Variants in DENND1A observed in about 807,000 individuals in gnomAD.
The protein encoded by DENND1A is DENN domain containing 1A, also known as DENN domain-containing protein 1A.
DENND1A carries 51 observed loss-of-function variants against 113.7 expected under a neutral mutation model. That is an observed-to-expected ratio of 0.45 (90% CI 0.36 to 0.57). The LOEUF (loss-of-function observed/expected upper bound fraction) is 0.57, where lower values mean the gene tolerates loss of function less well. DENND1A is among the 20% of genes least tolerant of loss of function. DENND1A has a pLI of 0.00. For missense variants in DENND1A, 1,258 were observed against 1,395.9 expected (o/e 0.90, Z 1.57); for synonymous variants, 565 against 570.8 (o/e 0.99, Z 0.14).
chr9:123,753,228 AG>A (rs2070215465), intron 5 of DENND1A, among the ~76,000 whole-genome samples: 1 of 152,204 alleles, frequency 6.6e-6, no homozygotes. Context: ...GCTATGTGCC[AG>A]AATATTCTTC....
At chr9:123,614,847 C>A (rs1357495401) in intron 10 of DENND1A, among the ~76,000 whole-genome samples, 1 of 152,216 alleles carries the variant, frequency 6.6e-6, no homozygotes, top group Non-Finnish European at 1.5e-5. Flanking sequence ...AAAGGGGATC[C>A]CACAGTCAGA....
intron 9 of DENND1A, among the ~76,000 whole-genome samples, chr9:123,641,074 C>A (rs1004329403): frequency 7.2e-5 from 11 of 152,192 alleles, no homozygotes; most frequent in Admixed American, 5.9e-4. Flanking sequence ...CATGGTCTAA[C>A]CTCATATCAC....
intron 2 of DENND1A, among the ~76,000 whole-genome samples, chr9:123,865,461 C>T (rs369670137): frequency 2.7e-5 from 4 of 150,642 alleles, no homozygotes; most frequent in African/African-American, 1.0e-4. Context: ...GGGCCTGGAA[C>T]TGCCTTAGGA....
intron 13 of DENND1A, among the ~76,000 whole-genome samples, chr9:123,495,138 TC>T (rs2051761705): frequency 1.3e-5 from 1 of 74,196 alleles, no homozygotes; most frequent in Non-Finnish European, 3.4e-5. Context: ...CATCATTGTC[TC>T]TTTCTCTCTC....
chr9:123,738,482 T>TG (rs1554726331), intron 5 of DENND1A, among the ~76,000 whole-genome samples: 4 of 147,574 alleles, frequency 2.7e-5, no homozygotes, highest in African/African-American at 1.0e-4. Context: ...TGTGTGTGTG[T>TG]AGTGATGTTT....
chr9:123,459,909 A>G (rs1035154400), intron 13 of DENND1A, among the ~76,000 whole-genome samples: 2 of 152,202 alleles, frequency 1.3e-5, no homozygotes, highest in Non-Finnish European at 2.9e-5. Context: ...TAGGGTAAGG[A>G]GAATATTTAT....
chr9:123,476,637 T>C (rs1227931163), intron 13 of DENND1A, among the ~76,000 whole-genome samples: 1 of 152,188 alleles, frequency 6.6e-6, no homozygotes, highest in African/African-American at 2.4e-5. Flanking sequence ...TTCTAACGCA[T>C]TTGGGAACGA....
chr9:123,858,423 C>A (rs1169782367), intron 2 of DENND1A, among the ~76,000 whole-genome samples: 14 of 152,012 alleles, frequency 9.2e-5, no homozygotes, highest in Admixed American at 9.2e-4. Flanking sequence ...TTAAAAAATA[C>A]TCAGATTTAA....
At chr9:123,708,886 G>A (rs968949436) in intron 5 of DENND1A, among the ~76,000 whole-genome samples, 2 of 152,318 alleles carry the variant, frequency 1.3e-5, no homozygotes, top group Non-Finnish European at 2.9e-5. Context: ...TTCTTCAGGA[G>A]GTCATTGGCT....
At chr9:123,743,413 A>G (rs1367236999) in intron 5 of DENND1A, among the ~76,000 whole-genome samples, 1 of 149,330 alleles carries the variant, frequency 6.7e-6, no homozygotes, top group Non-Finnish European at 1.5e-5. Context: ...AAGATAAATA[A>G]ATAAATAAAT....
intron 13 of DENND1A, among the ~76,000 whole-genome samples, chr9:123,505,791 C>T (rs999717443): frequency 1.3e-5 from 2 of 152,110 alleles, no homozygotes; most frequent in Admixed American, 6.5e-5. Flanking sequence ...ATAGCCCAAA[C>T]TAGCTTTGAA....
intron 15 of DENND1A, chr9:123,456,966 A>G (rs1232580877): frequency 5.1e-6 from 1 of 197,114 alleles, no homozygotes; most frequent in African/African-American, 2.4e-5. Context: ...CTCTCAGGAC[A>G]TGGATAGGAA....
At chr9:123,445,948 A>G (rs957750216) in intron 18 of DENND1A, among the ~76,000 whole-genome samples, 1 of 152,196 alleles carries the variant, frequency 6.6e-6, no homozygotes, top group African/African-American at 2.4e-5. Flanking sequence ...TCAACACATT[A>G]TCTCTTCTAC....
intron 13 of DENND1A, among the ~76,000 whole-genome samples, chr9:123,489,300 G>A (rs1485821175): frequency 6.6e-6 from 1 of 152,214 alleles, no homozygotes; most frequent in South Asian, 2.1e-4. Flanking sequence ...GAGGCACTCC[G>A]TGTGAGCCGC....
At chr9:123,833,259 T>C (rs891275321) in intron 2 of DENND1A, among the ~76,000 whole-genome samples, 3 of 152,144 alleles carry the variant, frequency 2.0e-5, no homozygotes, top group Non-Finnish European at 4.4e-5. Context: ...TTCTATGTCT[T>C]GACCTGGATG....
chr9:123,854,962 TG>T (rs1285890377), intron 2 of DENND1A, among the ~76,000 whole-genome samples: 1 of 151,046 alleles, frequency 6.6e-6, no homozygotes, highest in African/African-American at 2.5e-5. Flanking sequence ...TTTTCTACCT[TG>T]CTAAGAAAAA....
intron 9 of DENND1A, among the ~76,000 whole-genome samples, chr9:123,640,561 C>T (rs948444146): frequency 6.6e-5 from 10 of 152,332 alleles, no homozygotes; most frequent in East Asian, 1.9e-4. Flanking sequence ...GCTATTACGA[C>T]GATCCTAATA....
At chr9:123,383,631 T>A (rs1446374102) in intron 23 of DENND1A, 24 bp downstream of exon 23, 2 of 1,603,540 alleles carry the variant, frequency 1.2e-6, no homozygotes, top group Non-Finnish European at 1.7e-6. Flanking sequence ...CCCCGGCCGA[T>A]ACCCTCCCTT....
chr9:123,668,000 T>C (rs984876886), intron 7 of DENND1A, among the ~76,000 whole-genome samples: 5 of 152,146 alleles, frequency 3.3e-5, no homozygotes, highest in African/African-American at 4.8e-5. Context: ...GAACGTCCAA[T>C]GAGGCATCTC....
Sources: allele counts gnomAD v4.1 joint callset (sites outside exome capture counted in the v4.1 genomes callset), GRCh38; gene constraint gnomAD v4.1.1; transcripts MANE v1.5; gene names NCBI Gene and HGNC (gene_info 2026-07-23, HGNC 2026-07-21).